The following KDM4B variants were observed in gnomAD, a reference collection of about 807,000 sequenced individuals.
KDM4B encodes lysine-specific demethylase 4B.
Under a neutral mutation model 125.2 loss-of-function variants are expected in KDM4B, and 32 were observed. The ratio of observed to expected loss-of-function variants is 0.26; its 90% CI spans 0.19 to 0.34. The LOEUF is 0.34. Ranked by LOEUF, KDM4B falls within the 10% of genes least tolerant of loss-of-function variation. KDM4B has a pLI of 1.00. For synonymous variants in KDM4B, 721 were observed against 677.9 expected (o/e 1.06, Z -0.99); for missense variants, 1,190 against 1,577.7 (o/e 0.75, Z 4.16).
At chr19:5,028,991 A>T (rs1599450446) in intron 2 of KDM4B, among the ~76,000 whole-genome samples, 1 of 151,956 alleles carries the variant, frequency 6.6e-6, no homozygotes, top group Admixed American at 6.6e-5. Flanking sequence ...GCTCACTGCA[A>T]CCTCTGCCTT....
chr19:5,083,705 C>T (rs774597527), intron 9 of KDM4B, among the ~76,000 whole-genome samples: 3 of 152,222 alleles, frequency 2.0e-5, no homozygotes, highest in Non-Finnish European at 4.4e-5. Flanking sequence ...GCCTCAGCCC[C>T]TCCCGGCGTC....
At chr19:5,040,660 G>A (rs1357472426) in intron 4 of KDM4B, among the ~76,000 whole-genome samples, 2 of 103,952 alleles carry the variant, frequency 1.9e-5, no homozygotes, top group Non-Finnish European at 3.8e-5. Flanking sequence ...CTGTCCCGTC[G>A]CCGTGCCCTC....
intron 9 of KDM4B, among the ~76,000 whole-genome samples, chr19:5,090,170 G>C (rs7246420): frequency 0.084 from 12,747 of 152,192 alleles, 675 homozygotes; most frequent in Non-Finnish European, 0.13. Context: ...TGCAGGGGAG[G>C]GGTCCTAGCC....
chr19:5,106,132 A>G (rs2039028841), intron 9 of KDM4B, among the ~76,000 whole-genome samples: 1 of 152,200 alleles, frequency 6.6e-6, no homozygotes, highest in South Asian at 2.1e-4. Context: ...ACACATCCTG[A>G]GGACGTTTCT....
intron 2 of KDM4B, among the ~76,000 whole-genome samples, chr19:5,017,820 A>C (rs1448543288): frequency 6.6e-6 from 1 of 151,718 alleles, no homozygotes. Context: ...AGCTCACTGC[A>C]AGCTCCGCCT....
rs1253073805 is a variant in KDM4B at position 5,082,011 on chromosome 19, G to A, written c.781-356G>A. On this transcript the variant is annotated intron_variant, in intron 8 of 22. Transcript: ENST00000159111. The surrounding 1 kb of genome is among the most constrained non-coding windows in gnomAD (Gnocchi z 5.4). The stretch of plus-strand genomic sequence containing the variant: ...CATCGCTCCCCATGAAGGTCCGGCT[G>A]GAGACACCCCCACGGGCATTGTGTC... Among the ~76,000 whole-genome samples the A allele has an allele frequency of 6.6e-6, 1 of 152,188 alleles. No individual in the cohort carries two copies. The highest frequency in any genetic ancestry group is 2.4e-5 in the African/African-American group (1 of 41,454).
intron 1 of KDM4B, among the ~76,000 whole-genome samples, chr19:4,986,294 C>T (rs145114688): frequency 4.7e-4 from 71 of 152,328 alleles, no homozygotes; most frequent in East Asian, 2.5e-3. Flanking sequence ...GACCCGAGCT[C>T]GTGAACTCTG....
intron 1 of KDM4B, among the ~76,000 whole-genome samples, chr19:4,978,096 C>G (rs2034511500): frequency 6.6e-6 from 1 of 152,184 alleles, no homozygotes; most frequent in Non-Finnish European, 1.5e-5. Context: ...CCGTCCCTAG[C>G]ATGCACTTGA....
chr19:5,121,309 G>T (rs927649361), intron 11 of KDM4B, among the ~76,000 whole-genome samples: 1 of 152,192 alleles, frequency 6.6e-6, no homozygotes, highest in African/African-American at 2.4e-5. Flanking sequence ...TGGGCCCTGC[G>T]TCTGTTCAGC....
intron 11 of KDM4B, among the ~76,000 whole-genome samples, chr19:5,121,969 C>T (rs142834221): frequency 0.014 from 2,073 of 152,184 alleles, 43 homozygotes; most frequent in African/African-American, 0.048. Context: ...TGTGAGACCT[C>T]AGTCCCCTCC....
chr19:5,041,042 T>C (rs2036798940), intron 4 of KDM4B, 95 bp from the exon 5 acceptor site: 1 of 765,038 alleles, frequency 1.3e-6, no homozygotes, highest in Non-Finnish European at 2.2e-6. Flanking sequence ...CCCTCCCGCC[T>C]CTTTCATGGG....
In KDM4B at chr19:5,131,564, G is replaced by C. The variant is rs1422361619; in HGVS notation, c.1785+19G>C. 7 of 1,082,204 alleles carry C rather than the reference G, an allele frequency of 6.5e-6. No individual in the cohort carries two copies. Among genetic ancestry groups the C allele is most frequent in the Non-Finnish European group, 9.1e-6 (7 of 770,936 alleles). 67.0% of individuals were successfully genotyped at this position (1,082,204 alleles called of 1,614,324 possible). On this transcript the variant is annotated intron_variant, in intron 12 of 22. Coordinates refer to ENST00000159111, the MANE Select transcript of KDM4B (RefSeq NM_015015.3). The stretch of plus-strand genomic sequence containing the variant: ...GGGGCAGGTGGGGTGGAGCGGGGGA[G>C]GCAGGGAGGAGGGGGGCAGGTGGGG...
intron 1 of KDM4B, among the ~76,000 whole-genome samples, chr19:5,008,450 G>A (rs1231933121): frequency 2.6e-5 from 4 of 152,158 alleles, no homozygotes; most frequent in African/African-American, 9.7e-5. Flanking sequence ...CTAGTCTTGA[G>A]TGTAGATGTT....
At chr19:4,976,195 G>A (rs1343205712) in intron 1 of KDM4B, among the ~76,000 whole-genome samples, 2 of 149,056 alleles carry the variant, frequency 1.3e-5, no homozygotes, top group Admixed American at 1.3e-4. Flanking sequence ...GTTGCAGTGA[G>A]CTGAGATCAC....
rs988193739 is a variant in KDM4B at position 5,033,156 on chromosome 19, C to T, written c.141+125C>T. On this transcript the variant is annotated intron_variant, in intron 3 of 22. Coordinates refer to ENST00000159111, the MANE Select transcript of KDM4B (RefSeq NM_015015.3). Reference sequence around the variant, plus strand: ...TGTGCACGTGGAATGTGTTTCGGGGCCACTCCCAGCTCGTTTACCAGCGCC... The same window carrying T: ...TGTGCACGTGGAATGTGTTTCGGGGTCACTCCCAGCTCGTTTACCAGCGCC... 9.9e-6 allele frequency: 11 copies of T among 1,108,424 alleles called. No individual in the cohort carries two copies. The African/African-American group carries it at 1.4e-4, about 14-fold the overall frequency. The allele number at this position is 1,108,424 out of a possible 1,614,324, so 68.7% of individuals were successfully genotyped here. A position where few individuals can be genotyped will look rare whatever the true frequency, so the allele number is the denominator to read the frequency against.
At chr19:5,111,037 G>A (rs2039133795) in intron 10 of KDM4B, among the ~76,000 whole-genome samples, 1 of 152,204 alleles carries the variant, frequency 6.6e-6, no homozygotes. Flanking sequence ...CTTTGCTGGG[G>A]TGGGTGGGCT....
intron 10 of KDM4B, among the ~76,000 whole-genome samples, chr19:5,116,950 A>G (rs901692621): frequency 7.9e-5 from 12 of 152,172 alleles, no homozygotes; most frequent in Admixed American, 6.5e-4. Flanking sequence ...AAACACGCGA[A>G]GGGGGATGAA....
chr19:5,040,929 G>C (rs542394132), intron 4 of KDM4B, among the ~76,000 whole-genome samples: 14 of 152,358 alleles, frequency 9.2e-5, no homozygotes, highest in African/African-American at 3.1e-4. Context: ...CTGAGGAGGG[G>C]TACGTGGGTT....
rs1161741095 is a variant in KDM4B at position 4,971,483 on chromosome 19, G to A, written c.-109+2253G>A. ...ACCCACTCCCTGATGAGCCGGGGAG[G>A]AGCCTCAGCTCTGGGGAAGCCATCT... On this transcript the variant is annotated intron_variant, in intron 1 of 22. Transcript: ENST00000159111. This position sits in a 1 kb window ranked among gnomAD's most constrained non-coding sequence, Gnocchi z 4.1. 6.6e-6 allele frequency among the ~76,000 whole-genome samples: 1 copy of A among 152,118 alleles called. No homozygotes were observed. Among genetic ancestry groups the A allele is most frequent in the Non-Finnish European group, 1.5e-5 (1 of 68,026 alleles).
Sources: gnomAD v4.1 joint callset for allele counts (sites outside exome capture counted in the v4.1 genomes callset) on GRCh38, gnomAD v4.1.1 for gene constraint, Gnocchi (gnomAD v3.1) non-coding constraint, MANE v1.5 for transcripts, NCBI Gene and HGNC (gene_info 2026-07-23, HGNC 2026-07-21) for gene names.